PXDNL: variants seen among roughly 807,000 people sequenced by gnomAD.
PXDNL encodes peroxidasin like.
In PXDNL, 145 loss-of-function variants were observed where a neutral mutation model predicts 150.8. That is an observed-to-expected ratio of 0.96 (90% CI 0.84 to 1.10). The LOEUF (loss-of-function observed/expected upper bound fraction) is 1.10, where lower values mean the gene tolerates loss of function less well. Among genes scored for constraint, PXDNL ranks in the 50% least tolerant of loss-of-function variants. PXDNL has a pLI of 0.00. For synonymous variants in PXDNL, 757 were observed against 725.7 expected, an observed-to-expected ratio of 1.04 and a Z score of -0.69; for missense variants, 2,087 against 1,873.9, an observed-to-expected ratio of 1.11 and a Z score of -2.10.
chr8:51,430,340 A>C (rs943627085), intron 12 of PXDNL, among the ~76,000 whole-genome samples: 4 of 152,214 alleles, frequency 2.6e-5, no homozygotes, highest in Non-Finnish European at 5.9e-5. Flanking sequence ...AGAAGCTTAA[A>C]AGATCCAATC....
rs756203958 is a variant in PXDNL at position 51,371,894 on chromosome 8, C to T, written c.3880G>A (p.Val1294Met). ...CSEIPKVDLR[V>M]WQDCCADCRS... ...TGACCTGCACAGCAGTCTTGCCACA[C>T]TCGCAGGTCCACCTTCGGGATCTCG... The change falls in exon 19 of 23, where the codon GTG becomes ATG. Residue 1294 changes from valine (V) to methionine (M), a missense_variant. Coordinates refer to ENST00000356297, the MANE Select transcript of PXDNL (RefSeq NM_144651.5). 6.8e-6 allele frequency: 11 copies of T among 1,613,902 alleles called. No homozygotes were observed. In the South Asian group the frequency reaches 8.8e-5, roughly 13 times the overall value.
intron 2 of PXDNL, among the ~76,000 whole-genome samples, chr8:51,610,730 AC>A (rs1379531307): frequency 6.6e-6 from 1 of 152,016 alleles, no homozygotes; most frequent in Non-Finnish European, 1.5e-5. Flanking sequence ...CCTCTTCCAA[AC>A]TCTTTCAAGT....
chr8:51,325,555 CA>C (rs1805455786), intron 21 of PXDNL, among the ~76,000 whole-genome samples: 2 of 152,188 alleles, frequency 1.3e-5, no homozygotes, highest in African/African-American at 2.4e-5. Context: ...GGCCTCCATG[CA>C]CCTCAGGATG....
intron 8 of PXDNL, among the ~76,000 whole-genome samples, chr8:51,468,094 T>A (rs1810242202): frequency 6.6e-6 from 1 of 152,012 alleles, no homozygotes; most frequent in African/African-American, 2.4e-5. Flanking sequence ...ATGTGATCAA[T>A]CTTGATAAGT....
In PXDNL at chr8:51,372,042, T is replaced by A; in HGVS notation, c.3732A>T (p.Gln1244His). ...GGGACGCCTGCTTCAGCTGAGTGAG[T>A]TGTGCCGGGGTAAATACTCCAGGGT... ...YENPGVFTPA[Q>H]LTQLKQASLS... Residue 1244 changes from glutamine (Q) to histidine (H), a missense_variant, in exon 19 of 23, where the codon CAA becomes CAT. Physicochemically the swap from Gln to His is conservative, Grantham distance 24. Coordinates refer to ENST00000356297, the MANE Select transcript of PXDNL (RefSeq NM_144651.5). 1 of 1,607,468 alleles carries A rather than the reference T, an allele frequency of 6.2e-7. No individual in the cohort carries two copies. Among genetic ancestry groups the A allele is most frequent in the Non-Finnish European group, 8.5e-7 (1 of 1,176,716 alleles).
intron 1 of PXDNL, among the ~76,000 whole-genome samples, chr8:51,668,296 T>G (rs1563501157): frequency 6.7e-6 from 1 of 149,954 alleles, no homozygotes. Context: ...TGCCTCAGCC[T>G]CCTGAGTAGC....
chr8:51,790,362 A>G (rs1350009300), intron 1 of PXDNL, among the ~76,000 whole-genome samples: 1 of 152,182 alleles, frequency 6.6e-6, no homozygotes, highest in African/African-American at 2.4e-5. Context: ...CTGGCCTCAG[A>G]CTCCAAAGAA....
At chr8:51,685,152 C>G (rs776858182) in intron 1 of PXDNL, among the ~76,000 whole-genome samples, 15 of 152,188 alleles carry the variant, frequency 9.9e-5, no homozygotes, top group Non-Finnish European at 1.5e-4. Flanking sequence ...TCTTCCCTTC[C>G]TATTCTGATT....
Position 51,339,402 on chromosome 8 carries a change from G to A in PXDNL, c.4146+222C>T, listed in dbSNP as rs529303668. Among the ~76,000 whole-genome samples the A allele has an allele frequency of 5.3e-5, 8 of 152,176 alleles. No individual in the cohort carries two copies. The South Asian group carries it at 1.7e-3, about 31-fold the overall frequency. On this transcript the variant is annotated intron_variant, in intron 21 of 22. Coordinates refer to ENST00000356297, the MANE Select transcript of PXDNL (RefSeq NM_144651.5). ...TTGAACCCAAGAGGTGGAGGCTCCAGTGAGCCAGAATTGTGCTACTACATT... is the reference window on the plus strand; with the variant it reads ...TTGAACCCAAGAGGTGGAGGCTCCAATGAGCCAGAATTGTGCTACTACATT...
At chr8:51,384,906 A>G (rs576499460) in intron 17 of PXDNL, among the ~76,000 whole-genome samples, 3 of 152,234 alleles carry the variant, frequency 2.0e-5, no homozygotes, top group South Asian at 2.1e-4. Context: ...TTTTGATTAG[A>G]GGAAAAAGGA....
At chr8:51,402,801 G>T (rs536353136) in intron 17 of PXDNL, among the ~76,000 whole-genome samples, 1 of 151,746 alleles carries the variant, frequency 6.6e-6, no homozygotes, top group Non-Finnish European at 1.5e-5. Context: ...GTGTAATCAC[G>T]CCTGTAATCC....
intron 1 of PXDNL, among the ~76,000 whole-genome samples, chr8:51,684,862 A>G (rs1374162829): frequency 6.6e-6 from 1 of 152,180 alleles, no homozygotes; most frequent in Non-Finnish European, 1.5e-5. Flanking sequence ...CCCTATGACT[A>G]CAAGGAAGTT....
intron 2 of PXDNL, among the ~76,000 whole-genome samples, chr8:51,626,994 A>T (rs1181563146): frequency 6.6e-6 from 1 of 152,220 alleles, no homozygotes; most frequent in South Asian, 2.1e-4. Flanking sequence ...TTTTCTCACA[A>T]TAGAGATTAA....
intron 5 of PXDNL, among the ~76,000 whole-genome samples, chr8:51,486,771 T>C (rs1810752657): frequency 1.1e-4 from 1 of 8,828 alleles, no homozygotes; most frequent in Admixed American, 1.4e-3. Flanking sequence ...TATATATATA[T>C]ATATATATAT....
In PXDNL at chr8:51,409,293, G is replaced by A; in HGVS notation, c.2331C>T (p.Leu777=). ...LGLPVGSRQP[L]PPPRLVATVW... ...CTGTGGCGACCAGCCGGGGCGGCGG[G>A]AGGGGCTGGCGGGAGCCCACAGGAA... Residue 777 remains leucine (L), a synonymous_variant, in exon 17 of 23, where the codon CTC becomes CTT. Coordinates refer to ENST00000356297, the MANE Select transcript of PXDNL (RefSeq NM_144651.5). The A allele has an allele frequency of 2.1e-6, 3 of 1,423,374 alleles. No homozygotes were observed. Among genetic ancestry groups the A allele is most frequent in the Non-Finnish European group, 2.7e-6 (3 of 1,095,646 alleles). 88.2% of individuals were successfully genotyped at this position (1,423,374 alleles called of 1,614,324 possible). A position where few individuals can be genotyped will look rare whatever the true frequency, so the allele number is the denominator to read the frequency against.
rs60721101 is a variant in PXDNL at position 51,559,333 on chromosome 8, C to A, written c.309-2422G>T. Among the ~76,000 whole-genome samples the A allele has an allele frequency of 3.2e-4, 15 of 47,574 alleles. No homozygotes were observed. The South Asian group carries it at 4.6e-3, about 14-fold the overall frequency. The allele number at this position is 47,574 out of a possible 152,430, so 31.2% of individuals were successfully genotyped here. On this transcript the variant is annotated intron_variant, in intron 3 of 22. Transcript: ENST00000356297. ...GGCTTATTTTTGTTTCTTCCAAACCCCCCCCCCCCCCGCCACCTTCTTTCC... is the reference window on the plus strand; with the variant it reads ...GGCTTATTTTTGTTTCTTCCAAACCACCCCCCCCCCCGCCACCTTCTTTCC...
chr8:51,352,977 T>C (rs964310512), intron 19 of PXDNL, among the ~76,000 whole-genome samples: 1 of 152,100 alleles, frequency 6.6e-6, no homozygotes, highest in Non-Finnish European at 1.5e-5. Flanking sequence ...AGAGTGAGTA[T>C]TGAAGATTAC....
At chr8:51,745,631 T>C (rs2036975348) in intron 1 of PXDNL, among the ~76,000 whole-genome samples, 1 of 152,216 alleles carries the variant, frequency 6.6e-6, no homozygotes, top group African/African-American at 2.4e-5. Context: ...GGTGGAACAT[T>C]ACCTTGCCTC....
At chr8:51,644,337 TAC>T (rs371179403) in intron 2 of PXDNL, among the ~76,000 whole-genome samples, 2,746 of 50,090 alleles carry the variant, frequency 0.055, 250 homozygotes, top group African/African-American at 0.12. Context: ...TATATATATA[TAC>T]ACACACACAC....
Sources: allele counts gnomAD v4.1 joint callset (sites outside exome capture counted in the v4.1 genomes callset), GRCh38; gene constraint gnomAD v4.1.1; transcripts MANE v1.5; gene names NCBI Gene and HGNC (gene_info 2026-07-23, HGNC 2026-07-21).